The following SAMD5 variants were observed in gnomAD, a reference collection of about 807,000 sequenced individuals.
SAMD5 encodes the protein sterile alpha motif domain containing 5, also known as sterile alpha motif domain-containing protein 5.
A neutral mutation model predicts 11.3 loss-of-function variants in SAMD5; 13 were observed. The ratio of observed to expected loss-of-function variants is 1.15; its 90% CI spans 0.75 to 1.83. The LOEUF is 1.83. Ranked by LOEUF, SAMD5 falls within the 40% of genes most tolerant of loss-of-function variation. SAMD5 has a pLI of 0.00. For synonymous variants in SAMD5, 129 were observed against 111.3 expected, an observed-to-expected ratio of 1.16 and a Z score of -1.00; for missense variants, 255 against 239.1, an observed-to-expected ratio of 1.07 and a Z score of -0.44.
chr6:147,828,461 G>A, the SAMD5 span, among the ~76,000 whole-genome samples: 1 of 152,278 alleles, frequency 6.6e-6, no homozygotes, highest in East Asian at 1.9e-4. Context: ...TCTGGGAAAG[G>A]CAGACCCACC....
the SAMD5 span, among the ~76,000 whole-genome samples, chr6:147,773,618 C>T: frequency 4.6e-5 from 7 of 152,162 alleles, no homozygotes. Flanking sequence ...TGGTGCAGAG[C>T]AGAGAGACAG....
At chr6:147,570,035 C>G (rs911458649), downstream of SAMD5, 36 of 984,542 alleles carry the variant, frequency 3.7e-5, no homozygotes, top group Non-Finnish European at 4.3e-5. Context: ...CCGCCTTGGC[C>G]TCTTTTGTAA....
In SAMD5 at chr6:147,509,172, C is replaced by T. The variant is rs914955; in HGVS notation, c.244C>T (p.Pro82Ser). The change falls in exon 1 of 2, where the codon CCC becomes TCC. Residue 82 changes from proline to serine, a missense_variant. Coordinates refer to ENST00000367474, the MANE Select transcript of SAMD5 (RefSeq NM_001030060.3). ...LYFTLEPQPA[P>S]PGPPADAVPT... ...CTTCACGCTTGAGCCGCAGCCGGCG[C>T]CCCCCGGGCCGCCCGCCGACGCCGT... is the stretch of plus-strand genomic sequence containing the variant. The T allele has an allele frequency of 5.2e-3, 6,809 of 1,309,070 alleles. 287 individuals are homozygous for T. The African/African-American group carries it at 0.09, about 17-fold the overall frequency. The allele number at this position is 1,309,070 out of a possible 1,614,324, so 81.1% of individuals were successfully genotyped here.
chr6:147,906,388 A>G, the SAMD5 span, among the ~76,000 whole-genome samples: 1 of 152,184 alleles, frequency 6.6e-6, no homozygotes, highest in Non-Finnish European at 1.5e-5. Flanking sequence ...AGAAGGTTGG[A>G]CTCAATGGCC....
chr6:147,825,857 T>G, the SAMD5 span, among the ~76,000 whole-genome samples: 5 of 152,240 alleles, frequency 3.3e-5, no homozygotes, highest in African/African-American at 1.2e-4. Context: ...ATATAAGCTA[T>G]CCATAGGAAC....
chr6:147,686,221 A>C (rs1448724390), intron 1 of SAMD5, among the ~76,000 whole-genome samples: 2 of 152,168 alleles, frequency 1.3e-5, no homozygotes, highest in Non-Finnish European at 2.9e-5. Flanking sequence ...TATTGCAGGC[A>C]TCTTCTCTGA....
At chr6:147,744,769 G>A in the SAMD5 span, among the ~76,000 whole-genome samples, 1 of 152,180 alleles carries the variant, frequency 6.6e-6, no homozygotes, top group African/African-American at 2.4e-5. Context: ...GTAGTGGCAC[G>A]TGCCTGTAAT....
the SAMD5 span, among the ~76,000 whole-genome samples, chr6:147,939,462 C>T: frequency 6.6e-6 from 1 of 152,122 alleles, no homozygotes; most frequent in African/African-American, 2.4e-5. Context: ...ATCTAGGGAC[C>T]AACCAAGAGT....
chr6:147,801,245 T>G, the SAMD5 span, among the ~76,000 whole-genome samples: 2 of 152,164 alleles, frequency 1.3e-5, no homozygotes, highest in Non-Finnish European at 2.9e-5. Flanking sequence ...GGAATCCTAA[T>G]TTTATTACTA....
At chr6:147,586,374 A>T (rs1050425772) in intron 1 of SAMD5, among the ~76,000 whole-genome samples, 10 of 152,300 alleles carry the variant, frequency 6.6e-5, no homozygotes, top group Non-Finnish European at 7.4e-5. Flanking sequence ...ACATACATTC[A>T]AAAAATACCA....
chr6:147,666,878 C>G (rs997677177), intron 1 of SAMD5, among the ~76,000 whole-genome samples: 2 of 152,092 alleles, frequency 1.3e-5, no homozygotes, highest in African/African-American at 4.8e-5. Flanking sequence ...CATCTGCCAC[C>G]CTTTCCCCTG....
At chr6:147,725,159 A>G (rs1368053271) in intron 1 of SAMD5, among the ~76,000 whole-genome samples, 12 of 152,210 alleles carry the variant, frequency 7.9e-5, no homozygotes, top group Admixed American at 7.9e-4. Context: ...TTTGCAATAT[A>G]TAATATCCGT....
the SAMD5 span, among the ~76,000 whole-genome samples, chr6:147,817,576 A>G: frequency 1.3e-5 from 2 of 152,264 alleles, no homozygotes; most frequent in Non-Finnish European, 2.9e-5. Context: ...GAAATATGGA[A>G]AGACAGACGC....
the SAMD5 span, among the ~76,000 whole-genome samples, chr6:147,830,453 C>T: frequency 1.3e-5 from 2 of 151,750 alleles, no homozygotes; most frequent in Non-Finnish European, 2.9e-5. Flanking sequence ...GACGGGGTTT[C>T]ACCACGTAAG....
chr6:147,827,512 C>G, the SAMD5 span, among the ~76,000 whole-genome samples: 1 of 152,172 alleles, frequency 6.6e-6, no homozygotes, highest in Non-Finnish European at 1.5e-5. Flanking sequence ...CAATCTTGGT[C>G]TTCCACCTCA....
intron 1 of SAMD5, among the ~76,000 whole-genome samples, chr6:147,516,992 T>G (rs117739477): frequency 3.3e-5 from 5 of 152,218 alleles, no homozygotes; most frequent in African/African-American, 9.6e-5. Flanking sequence ...ATTCTTCATC[T>G]TAGAAGGGAT....
At chr6:147,762,137 G>T in the SAMD5 span, among the ~76,000 whole-genome samples, 1 of 152,072 alleles carries the variant, frequency 6.6e-6, no homozygotes, top group Non-Finnish European at 1.5e-5. Context: ...AGAACTCATG[G>T]GTTCTATGAT....
intron 1 of SAMD5, among the ~76,000 whole-genome samples, chr6:147,617,642 T>G (rs1456655969): frequency 2.0e-5 from 3 of 152,218 alleles, no homozygotes; most frequent in Admixed American, 1.3e-4. Flanking sequence ...TGGGTTACAT[T>G]AGCTTATGGG....
At chr6:147,797,991 A>T in the SAMD5 span, among the ~76,000 whole-genome samples, 1 of 151,022 alleles carries the variant, frequency 6.6e-6, no homozygotes, top group Admixed American at 6.6e-5. Flanking sequence ...GCAGTCTATC[A>T]ATTTTGTTGA....
Sources: gnomAD v4.1 joint callset for allele counts (sites outside exome capture counted in the v4.1 genomes callset) on GRCh38, gnomAD v4.1.1 for gene constraint, MANE v1.5 for transcripts, NCBI Gene and HGNC (gene_info 2026-07-23, HGNC 2026-07-21) for gene names.